CDK14: variants seen among roughly 807,000 people sequenced by gnomAD.
CDK14 encodes cyclin dependent kinase 14.
In CDK14, 34 loss-of-function variants were observed where a neutral mutation model predicts 60.7. That is an observed-to-expected ratio of 0.56 (90% CI 0.43 to 0.75). The LOEUF is 0.75. Ranked by LOEUF, CDK14 falls within the 30% of genes least tolerant of loss-of-function variation. CDK14 has a pLI of 0.00. For synonymous variants in CDK14, 197 were observed against 203.7 expected (o/e 0.97, Z 0.28); for missense variants, 482 against 564.1 (o/e 0.85, Z 1.47).
chr7:90,748,330 G>T (rs886777263), intron 4 of CDK14, among the ~76,000 whole-genome samples: 1 of 152,014 alleles, frequency 6.6e-6, no homozygotes, highest in Non-Finnish European at 1.5e-5. Flanking sequence ...GCTCTCTGGG[G>T]GTCAGGGCAC....
At chr7:91,062,098 G>T (rs958906578) in intron 11 of CDK14, among the ~76,000 whole-genome samples, 1 of 152,174 alleles carries the variant, frequency 6.6e-6, no homozygotes. Context: ...CCTCGGCAAT[G>T]GTGGGCACCC....
chr7:90,735,677 A>AC (rs1337989161), intron 3 of CDK14, among the ~76,000 whole-genome samples: 2 of 151,948 alleles, frequency 1.3e-5, no homozygotes, highest in East Asian at 1.9e-4. Context: ...TCCCACCCCC[A>AC]CCTAGCTTAA....
At chr7:90,677,147 C>T (rs1801216781) in intron 2 of CDK14, among the ~76,000 whole-genome samples, 2 of 152,076 alleles carry the variant, frequency 1.3e-5, no homozygotes, top group Admixed American at 1.3e-4. Context: ...TTCCCTGGAT[C>T]GACTTGTCAT....
intron 7 of CDK14, among the ~76,000 whole-genome samples, chr7:90,915,353 G>A (rs1793046530): frequency 6.6e-6 from 1 of 152,102 alleles, no homozygotes; most frequent in African/African-American, 2.4e-5. Context: ...CCAGGAGAAT[G>A]GCATGAACCC....
chr7:90,773,918 T>C (rs1170177338), intron 4 of CDK14, among the ~76,000 whole-genome samples: 2 of 144,534 alleles, frequency 1.4e-5, no homozygotes, highest in Non-Finnish European at 3.0e-5. Context: ...TTTTTTTTTT[T>C]TTTGAGATGG....
At chr7:90,935,019 C>A (rs939870285) in intron 8 of CDK14, among the ~76,000 whole-genome samples, 5 of 152,116 alleles carry the variant, frequency 3.3e-5, no homozygotes, top group Admixed American at 3.3e-4. Context: ...TTCCTCAATC[C>A]CCTGGAAGCT....
chr7:90,796,968 C>G (rs1401094712), intron 5 of CDK14, among the ~76,000 whole-genome samples: 2 of 151,784 alleles, frequency 1.3e-5, no homozygotes, highest in African/African-American at 4.9e-5. Flanking sequence ...TTATGTTGTA[C>G]AGTGATGAAA....
chr7:90,638,631 G>A (rs1432806165), intron 2 of CDK14, among the ~76,000 whole-genome samples: 1 of 152,108 alleles, frequency 6.6e-6, no homozygotes, highest in Admixed American at 6.6e-5. Flanking sequence ...TTCTCCAGGA[G>A]TATCTTTGTG....
intron 2 of CDK14, among the ~76,000 whole-genome samples, chr7:90,722,792 G>A (rs1215343954): frequency 6.6e-6 from 1 of 152,132 alleles, no homozygotes; most frequent in Non-Finnish European, 1.5e-5. Context: ...AGTATGTATT[G>A]TAAGGCCGTT....
At chr7:90,972,918 T>C in intron 9 of CDK14, among the ~76,000 whole-genome samples, 1 of 152,162 alleles carries the variant, frequency 6.6e-6, no homozygotes, top group East Asian at 1.9e-4. Flanking sequence ...CCTCAACCCA[T>C]ACCCAGTAAT....
intron 8 of CDK14, among the ~76,000 whole-genome samples, chr7:90,951,708 A>G (rs779288274): frequency 1.3e-3 from 202 of 152,236 alleles, no homozygotes; most frequent in Non-Finnish European, 2.4e-3. Context: ...GTGTACAGCT[A>G]AAAGAAAAGA....
intron 8 of CDK14, among the ~76,000 whole-genome samples, chr7:90,934,316 C>T (rs1793687741): frequency 6.6e-6 from 1 of 152,232 alleles, no homozygotes; most frequent in Non-Finnish European, 1.5e-5. Flanking sequence ...TACAGTTTGC[C>T]ATGTACAGGG....
chr7:90,887,240 A>C (rs1333996796), intron 6 of CDK14, among the ~76,000 whole-genome samples: 6 of 152,192 alleles, frequency 3.9e-5, no homozygotes, highest in African/African-American at 1.4e-4. Context: ...TGAATTTTTA[A>C]AAATAATGTT....
intron 3 of CDK14, among the ~76,000 whole-genome samples, chr7:90,739,020 A>T (rs930805383): frequency 5.9e-5 from 9 of 152,184 alleles, no homozygotes; most frequent in Non-Finnish European, 1.3e-4. Flanking sequence ...TACTTAAAAT[A>T]GGAGACTCAC....
In CDK14 at chr7:90,624,897, C is replaced by G. The variant is rs114580144; in HGVS notation, c.123+20648C>G. ...ACCTGTAGTCAGTCATATCCAGGCT[C>G]CAACACTCCTTGGCTATGTGAAGCT... On this transcript the variant is annotated intron_variant, in intron 2 of 14. Coordinates refer to ENST00000380050, the MANE Select transcript of CDK14 (RefSeq NM_001287135.2). 8.8e-3 allele frequency among the ~76,000 whole-genome samples: 1,347 copies of G among 152,292 alleles called. 25 individuals carry two copies. Among genetic ancestry groups the G allele is most frequent in the African/African-American group, 0.028 (1,182 of 41,552 alleles).
At chr7:90,857,031 T>C (rs1247619044) in intron 5 of CDK14, among the ~76,000 whole-genome samples, 1 of 152,184 alleles carries the variant, frequency 6.6e-6, no homozygotes, top group Non-Finnish European at 1.5e-5. Context: ...TAATCTCTTT[T>C]TTCCTAGTAG....
chr7:90,955,253 A>G (rs1401404900), intron 8 of CDK14, among the ~76,000 whole-genome samples: 1 of 152,188 alleles, frequency 6.6e-6, no homozygotes, highest in Non-Finnish European at 1.5e-5. Flanking sequence ...CTCCTCTTGC[A>G]GATTCACAAT....
chr7:91,126,735 T>A (rs908388551), intron 14 of CDK14, among the ~76,000 whole-genome samples: 5 of 152,208 alleles, frequency 3.3e-5, no homozygotes, highest in African/African-American at 9.6e-5. Context: ...CCCACCAGTT[T>A]TTCAGTGTTT....
At chr7:90,902,864 A>T (rs966888667) in intron 7 of CDK14, among the ~76,000 whole-genome samples, 3 of 152,178 alleles carry the variant, frequency 2.0e-5, no homozygotes, top group Non-Finnish European at 4.4e-5. Flanking sequence ...TAATATTTAG[A>T]TTATAAAAGG....
Sources: allele counts gnomAD v4.1 joint callset (sites outside exome capture counted in the v4.1 genomes callset), GRCh38; gene constraint gnomAD v4.1.1; transcripts MANE v1.5; gene names NCBI Gene and HGNC (gene_info 2026-07-23, HGNC 2026-07-21).